MSH6: variants seen among roughly 807,000 people sequenced by gnomAD.
MSH6 encodes DNA mismatch repair protein Msh6.
A neutral mutation model predicts 119.1 loss-of-function variants in MSH6; 85 were observed. The ratio of observed to expected loss-of-function variants is 0.71; its 90% CI spans 0.60 to 0.85. The LOEUF (loss-of-function observed/expected upper bound fraction) is 0.85. Among genes scored for constraint, MSH6 ranks in the 40% least tolerant of loss-of-function variants. MSH6 has a pLI of 0.00. For synonymous variants in MSH6, 830 were observed against 586.9 expected (o/e 1.41, Z -5.99); for missense variants, 2,163 against 1,655.3 (o/e 1.31, Z -5.32).
chr2:47,796,215 A>G (rs1452375613), intron 3 of MSH6, 152 bp downstream of exon 3: 2 of 866,662 alleles, frequency 2.3e-6, no homozygotes, highest in Admixed American at 2.1e-5. Context: ...AGTTCCCTGG[A>G]CTGTAGGATA....
intron 1 of MSH6, among the ~76,000 whole-genome samples, chr2:47,790,424 G>A (rs1668655916): frequency 6.6e-6 from 1 of 152,128 alleles, no homozygotes; most frequent in Non-Finnish European, 1.5e-5. Flanking sequence ...AGAGTATTAG[G>A]TAGCTTTTGG....
chr2:47,783,960 C>T (rs1348196278), intron 1 of MSH6: 3 of 1,038,134 alleles, frequency 2.9e-6, no homozygotes, highest in East Asian at 5.8e-5. Flanking sequence ...GGGGAGAGTC[C>T]GGTGGTGTGG....
At chr2:47,785,267 G>A (rs113492636) in intron 1 of MSH6, among the ~76,000 whole-genome samples, 1 of 152,010 alleles carries the variant, frequency 6.6e-6, no homozygotes, top group Non-Finnish European at 1.5e-5. Flanking sequence ...TCGCTCTGTC[G>A]CCCAGGCTGG....
chr2:47,793,993 A>G (rs1188608689), intron 2 of MSH6, among the ~76,000 whole-genome samples: 1 of 151,538 alleles, frequency 6.6e-6, no homozygotes, highest in African/African-American at 2.4e-5. Context: ...TGGCCTCCCA[A>G]AGTGCTGGGA....
In MSH6 at chr2:47,799,555, C is replaced by T. The variant is rs587779215; in HGVS notation, c.1572C>T (p.Tyr524=). ...CRIITKGTQT[Y]SVLEGDPSEN... ...TCATTACCAAGGGTACACAGACTTACAGTGTGCTGGAAGGTGATCCCTCTG... is the reference window on the plus strand; with the variant it reads ...TCATTACCAAGGGTACACAGACTTATAGTGTGCTGGAAGGTGATCCCTCTG... The change falls in exon 4 of 10, where the codon TAC becomes TAT. Residue 524 remains tyrosine (Y), a synonymous_variant. Transcript: ENST00000234420. The T allele has an allele frequency of 4.3e-6, 7 of 1,614,036 alleles. No individual in the cohort carries two copies. Among genetic ancestry groups the T allele is most frequent in the South Asian group, 2.2e-5 (2 of 91,088 alleles).
rs2104419774 is a variant in MSH6 at position 47,800,682 on chromosome 2, G to A, written c.2699G>A (p.Gly900Asp). Residue 900 changes from glycine to aspartate, a missense_variant, in exon 4 of 10, where the codon GGT (glycine) becomes GAT (aspartate). Gly to Asp is a moderately conservative substitution (Grantham distance 94). Coordinates refer to ENST00000234420, the MANE Select transcript of MSH6 (RefSeq NM_000179.3). The stretch of plus-strand genomic sequence containing the variant: ...TCTCTGCAGACAAAAAATCCTGAAG[G>A]TCGTTTTCCTGATTTGACTGTAGAA... ...VISLQTKNPE[G>D]RFPDLTVELN... 1 of 1,614,126 alleles carries A rather than the reference G, an allele frequency of 6.2e-7. No homozygotes were observed. Among genetic ancestry groups the A allele is most frequent in the Non-Finnish European group, 8.5e-7 (1 of 1,180,018 alleles).
At position 47,798,858 on chromosome 2, in the gene MSH6, G is replaced by C. The variant is rs587781389; in HGVS notation, c.875G>C (p.Ser292Thr). 2 of 1,614,078 alleles carry C rather than the reference G, an allele frequency of 1.2e-6. No homozygotes were observed. The highest frequency in any genetic ancestry group is 2.7e-5 in the African/African-American group (2 of 74,926). The change falls in exon 4 of 10, where the codon AGC (serine) becomes ACC (threonine). Residue 292 changes from serine (S) to threonine (T), a missense_variant. Transcript: ENST00000234420. ...VGDSESEGLN[S>T]PVKVARKRKR... The stretch of plus-strand genomic sequence containing the variant: ...GATAGTGAGAGTGAAGGCCTGAACA[G>C]CCCTGTCAAAGTTGCTCGAAAGCGG...
chr2:47,784,009 G>C, intron 1 of MSH6: 1 of 1,026,678 alleles, frequency 9.7e-7, no homozygotes, highest in Non-Finnish European at 1.2e-6. Context: ...CGGAGATAGT[G>C]AGTTGGGGCT....
rs911338946 is a variant in MSH6, at chr2:47,801,170, A to G, written c.3172+15A>G. On this transcript the variant is annotated intron_variant, in intron 4 of 9. Coordinates refer to ENST00000234420, the MANE Select transcript of MSH6 (RefSeq NM_000179.3). ...CGCAGTGTTGGGTAAGACTTTGAAC[A>G]AGCTTGTTCTCAGGCTTTGATAAGT... 6.2e-7 allele frequency: 1 copy of G among 1,607,024 alleles called. No individual in the cohort carries two copies. Among genetic ancestry groups the G allele is most frequent in the Non-Finnish European group, 8.5e-7 (1 of 1,179,874 alleles).
chr2:47,789,831 C>CT (rs59819548), intron 1 of MSH6, among the ~76,000 whole-genome samples: 20,902 of 150,300 alleles, frequency 0.14, 1,674 homozygotes, highest in Non-Finnish European at 0.19. Context: ...ATTTTTTTTC[C>CT]TTTTTTTTTG....
rs1558656767 is a variant in MSH6, at chr2:47,796,050, A to G, written c.614A>G (p.Glu205Gly). The change falls in exon 3 of 10, where the codon GAA becomes GGA. Residue 205 changes from glutamate (E) to glycine (G), a missense_variant. Glu to Gly is a moderately conservative substitution (Grantham distance 98). Transcript: ENST00000234420. Reference protein sequence around the residue: ...VCDEPSEPEEEEEMEVGTTYV... With the variant: ...VCDEPSEPEEGEEMEVGTTYV... ...GATGAGCCCTCAGAGCCAGAAGAGG[A>G]AGAAGAGATGGAGGTGGGACACGGC... The G allele has an allele frequency of 6.2e-7, 1 of 1,614,142 alleles. No individual in the cohort carries two copies. Among genetic ancestry groups the G allele is most frequent in the Non-Finnish European group, 8.5e-7 (1 of 1,180,038 alleles).
In MSH6 at chr2:47,799,570, T is replaced by G. The variant is rs764396869; in HGVS notation, c.1587T>G (p.Gly529=). Residue 529 remains glycine, a synonymous_variant, in exon 4 of 10, where the codon GGT becomes GGG. Coordinates refer to ENST00000234420, the MANE Select transcript of MSH6 (RefSeq NM_000179.3). The part of the protein sequence containing the change: ...KGTQTYSVLE[G]DPSENYSKYL... ...CACAGACTTACAGTGTGCTGGAAGG[T>G]GATCCCTCTGAGAACTACAGTAAGT... 1.9e-6 allele frequency: 3 copies of G among 1,614,076 alleles called. No homozygotes were observed. The Admixed American group carries it at 5.0e-5, about 27-fold the overall frequency.
rs181613665 is a variant in MSH6, at chr2:47,790,130, T to C, written c.261-797T>C. Among the ~76,000 whole-genome samples the C allele has an allele frequency of 7.9e-4, 121 of 152,324 alleles. 1 individual carries two copies. The highest frequency in any genetic ancestry group is 2.0e-3 in the Admixed American group (31 of 15,292). On this transcript the variant is annotated intron_variant, in intron 1 of 9. Coordinates refer to ENST00000234420, the MANE Select transcript of MSH6 (RefSeq NM_000179.3). ...GAATGCTTAACTTGTATGTTAAAAA[T>C]ACTTTATTTGGCCAGGCGCGGTGGC... is the stretch of plus-strand genomic sequence containing the variant.
At chr2:47,807,652 A>C (rs575723984), downstream of MSH6, 1 of 206,688 alleles carries the variant, frequency 4.8e-6, no homozygotes, top group Non-Finnish European at 9.4e-6. Context: ...CATATTTCTC[A>C]ATCTGAATAC....
In MSH6 at chr2:47,791,083, A is replaced by G. The variant is rs758390144; in HGVS notation, c.417A>G (p.Thr139=). The change falls in exon 2 of 10, where the codon ACA becomes ACG. Residue 139 remains threonine, a synonymous_variant. Coordinates refer to ENST00000234420, the MANE Select transcript of MSH6 (RefSeq NM_000179.3). The part of the protein sequence containing the change: ...VHVQFFDDSP[T]RGWVSKRLLK... ...TACAGTTTTTTGATGACAGCCCAACAAGGGGCTGGGTTAGCAAAAGGCTTT... is the reference window on the plus strand; with the variant it reads ...TACAGTTTTTTGATGACAGCCCAACGAGGGGCTGGGTTAGCAAAAGGCTTT... The G allele has an allele frequency of 1.1e-5, 17 of 1,614,078 alleles. No homozygotes were observed. The highest frequency in any genetic ancestry group is 3.3e-4 in the Middle Eastern group (2 of 6,084).
intron 7 of MSH6, 109 bp downstream of exon 7, chr2:47,805,816 T>A (rs1010065835): frequency 2.2e-6 from 2 of 906,404 alleles, no homozygotes; most frequent in Non-Finnish European, 3.6e-6. Context: ...TATGAATGTT[T>A]TTAGAGCACG....
rs1212740618 is a variant in MSH6 at position 47,806,336 on chromosome 2, T to C, written c.3779T>C (p.Val1260Ala). Reference protein sequence around the residue: ...HSLVEDYSQNVAVRLGHMACM... With the variant: ...HSLVEDYSQNAAVRLGHMACM... ...TTAGTAGAAGATTATTCTCAAAATG[T>C]TGCTGTGCGCCTAGGACATATGGTA... Residue 1260 changes from valine to alanine, a missense_variant, in exon 8 of 10, where the codon GTT becomes GCT. Physicochemically the swap from Val to Ala is moderately conservative, Grantham distance 64 (BLOSUM62 0). Transcript: ENST00000234420. 1.2e-6 allele frequency: 2 copies of C among 1,614,076 alleles called. No individual in the cohort carries two copies. The highest frequency in any genetic ancestry group is 1.3e-5 in the African/African-American group (1 of 74,944).
Position 47,806,071 on chromosome 2 carries a change from G to T in MSH6, c.3647-133G>T. ...AAGCAGACTCGTGTAGCTAAACAAG[G>T]CCTATTTATAGAATGCTTTTAGACG... On this transcript the variant is annotated intron_variant, in intron 7 of 9. Transcript: ENST00000234420. 6 of 863,850 alleles carry T rather than the reference G, an allele frequency of 6.9e-6. No homozygotes were observed. The South Asian group carries it at 8.7e-5, about 13-fold the overall frequency. 53.5% of individuals were successfully genotyped at this position (863,850 alleles called of 1,614,324 possible).
At position 47,799,830 on chromosome 2, in the gene MSH6, C is replaced by T. The variant is rs772363120; in HGVS notation, c.1847C>T (p.Ser616Phe). ...KTILKSSLSCSLQEGLIPGSQ... is the reference protein window; with the variant it reads ...KTILKSSLSCFLQEGLIPGSQ... ...ATTCTAAAGAGTTCATTGTCCTGTTCTCTTCAGGAAGGTCTGATACCCGGC... is the reference window on the plus strand; with the variant it reads ...ATTCTAAAGAGTTCATTGTCCTGTTTTCTTCAGGAAGGTCTGATACCCGGC... Residue 616 changes from serine to phenylalanine, a missense_variant, in exon 4 of 10, where the codon TCT becomes TTT. Ser to Phe is a radical substitution (Grantham distance 155). Transcript: ENST00000234420. 1 of 1,614,238 alleles carries T rather than the reference C, an allele frequency of 6.2e-7. No individual in the cohort carries two copies. Among genetic ancestry groups the T allele is most frequent in the Non-Finnish European group, 8.5e-7 (1 of 1,180,046 alleles).
Sources: allele counts gnomAD v4.1 joint callset (sites outside exome capture counted in the v4.1 genomes callset), GRCh38; gene constraint gnomAD v4.1.1; transcripts MANE v1.5; gene names NCBI Gene and HGNC (gene_info 2026-07-23, HGNC 2026-07-21).